Variants in RBMS3 observed in about 807,000 individuals in gnomAD.
The protein encoded by RBMS3 is RNA binding motif single stranded interacting protein 3, also known as RNA-binding motif, single-stranded-interacting protein 3.
In RBMS3, 27 loss-of-function variants were observed where a neutral mutation model predicts 66.8. The observed-to-expected ratio is 0.40, with a 90% confidence interval of 0.30 to 0.56. The LOEUF (loss-of-function observed/expected upper bound fraction) is 0.56. Ranked by LOEUF, RBMS3 falls within the 20% of genes least tolerant of loss-of-function variation. The probability of loss-of-function intolerance (pLI) is 0.40; values close to 1 mark genes in which losing one functional copy is unlikely to be tolerated. For synonymous variants in RBMS3, 188 were observed against 183.0 expected (o/e 1.03, Z -0.22); for missense variants, 513 against 549.5 (o/e 0.93, Z 0.66).
intron 1 of RBMS3, among the ~76,000 whole-genome samples, chr3:29,414,918 G>A (rs952235910): frequency 2.6e-5 from 4 of 152,074 alleles, no homozygotes; most frequent in African/African-American, 9.7e-5. Context: ...TTTATTGTAG[G>A]TCATTCTAAA....
intron 3 of RBMS3, among the ~76,000 whole-genome samples, chr3:29,547,896 C>T (rs570430931): frequency 1.4e-5 from 2 of 147,324 alleles, no homozygotes; most frequent in East Asian, 4.0e-4. Context: ...ACACAACCTC[C>T]GTCTTCTCAT....
chr3:29,378,048 G>A (rs893463393), intron 1 of RBMS3, among the ~76,000 whole-genome samples: 5 of 152,162 alleles, frequency 3.3e-5, no homozygotes, highest in Non-Finnish European at 5.9e-5. Flanking sequence ...AAAGCAAAAA[G>A]TTAAGAGAAA....
intron 14 of RBMS3, among the ~76,000 whole-genome samples, chr3:29,995,364 C>A (rs1424837550): frequency 6.6e-6 from 1 of 152,214 alleles, no homozygotes; most frequent in East Asian, 1.9e-4. Context: ...AGGAGAACTT[C>A]CCCCATCTAG....
chr3:29,666,330 T>G (rs745508844), intron 4 of RBMS3, among the ~76,000 whole-genome samples: 2 of 152,216 alleles, frequency 1.3e-5, no homozygotes, highest in African/African-American at 2.4e-5. Context: ...GAAAGCATGA[T>G]GAAGGCAGGG....
At chr3:29,695,976 G>A (rs549203815) in intron 4 of RBMS3, among the ~76,000 whole-genome samples, 40 of 152,308 alleles carry the variant, frequency 2.6e-4, no homozygotes, top group African/African-American at 9.4e-4. Context: ...GGCCAGGGGG[G>A]TCACTAAACC....
chr3:29,726,373 A>G (rs916077845), intron 4 of RBMS3, among the ~76,000 whole-genome samples: 1 of 152,206 alleles, frequency 6.6e-6, no homozygotes, highest in African/African-American at 2.4e-5. Flanking sequence ...ATCAGTCAAG[A>G]GAAAGAAATA....
intron 1 of RBMS3, among the ~76,000 whole-genome samples, chr3:29,304,815 C>G (rs2125453182): frequency 6.6e-6 from 1 of 152,034 alleles, no homozygotes; most frequent in South Asian, 2.1e-4. Context: ...TAGCCATCTT[C>G]CTCCTGAATG....
intron 12 of RBMS3, among the ~76,000 whole-genome samples, chr3:29,946,296 C>G (rs930267928): frequency 6.6e-6 from 1 of 151,610 alleles, no homozygotes; most frequent in Admixed American, 6.6e-5. Context: ...TATCTCCTTC[C>G]CAAATCTTCC....
At chr3:29,326,425 G>A (rs1249434334) in intron 1 of RBMS3, among the ~76,000 whole-genome samples, 1 of 152,034 alleles carries the variant, frequency 6.6e-6, no homozygotes, top group Non-Finnish European at 1.5e-5. Flanking sequence ...CCATTTAAAG[G>A]TTTTACACAA....
At chr3:29,658,455 G>A (rs1052332299) in intron 4 of RBMS3, among the ~76,000 whole-genome samples, 7 of 152,128 alleles carry the variant, frequency 4.6e-5, no homozygotes, top group Non-Finnish European at 7.4e-5. Flanking sequence ...ACCACACTAC[G>A]AATATCAATG....
At chr3:29,868,772 C>T (rs567414645) in intron 6 of RBMS3, 86 bp from the exon 7 acceptor site, 2 of 1,118,190 alleles carry the variant, frequency 1.8e-6, no homozygotes, top group South Asian at 1.4e-5. Context: ...AAAAGATACT[C>T]ATTACAAAGC....
chr3:29,323,979 T>A (rs1460652858), intron 1 of RBMS3, among the ~76,000 whole-genome samples: 2 of 117,104 alleles, frequency 1.7e-5, no homozygotes, highest in Non-Finnish European at 3.4e-5. Context: ...TCCTATTTTC[T>A]TGGATTTGCC....
At chr3:29,291,112 A>G (rs2032775327) in intron 1 of RBMS3, among the ~76,000 whole-genome samples, 1 of 151,918 alleles carries the variant, frequency 6.6e-6, no homozygotes, top group South Asian at 2.1e-4. Context: ...TGGAACAATG[A>G]ATAAAGTTGA....
chr3:29,858,442 A>T (rs2059134276), intron 6 of RBMS3, among the ~76,000 whole-genome samples: 2 of 152,208 alleles, frequency 1.3e-5, no homozygotes, highest in South Asian at 4.1e-4. Flanking sequence ...AATAAATAAG[A>T]TTCTTCTAAT....
chr3:29,669,246 G>A (rs773364242), intron 4 of RBMS3, among the ~76,000 whole-genome samples: 4 of 152,056 alleles, frequency 2.6e-5, no homozygotes, highest in Non-Finnish European at 4.4e-5. Flanking sequence ...TTCCCCTTAC[G>A]GCTTTACCTC....
intron 6 of RBMS3, among the ~76,000 whole-genome samples, chr3:29,788,148 A>G (rs1576805818): frequency 6.9e-6 from 1 of 145,492 alleles, no homozygotes; most frequent in South Asian, 2.2e-4. Context: ...GCAAGTACCC[A>G]CCCTTCTCTA....
chr3:29,492,830 G>A (rs2043600283), intron 3 of RBMS3, among the ~76,000 whole-genome samples: 1 of 152,170 alleles, frequency 6.6e-6, no homozygotes, highest in Admixed American at 6.5e-5. Context: ...GCAATATGCA[G>A]TGATAGTTTA....
At chr3:29,857,015 G>A (rs2059092920) in intron 6 of RBMS3, among the ~76,000 whole-genome samples, 1 of 152,020 alleles carries the variant, frequency 6.6e-6, no homozygotes, top group African/African-American at 2.4e-5. Flanking sequence ...ACCATCTCAG[G>A]TCATTACACC....
At chr3:29,386,104 G>A (rs1246026549) in intron 1 of RBMS3, among the ~76,000 whole-genome samples, 1 of 151,860 alleles carries the variant, frequency 6.6e-6, no homozygotes, top group Admixed American at 6.6e-5. Flanking sequence ...AATGACTCTG[G>A]TAAAATCCTA....
Sources: gnomAD v4.1 joint callset for allele counts (sites outside exome capture counted in the v4.1 genomes callset) on GRCh38, gnomAD v4.1.1 for gene constraint, MANE v1.5 for transcripts, NCBI Gene and HGNC (gene_info 2026-07-23, HGNC 2026-07-21) for gene names.